HAO1: variants seen among roughly 807,000 people sequenced by gnomAD.
The protein encoded by HAO1 is hydroxyacid oxidase 1.
A neutral mutation model predicts 39.7 loss-of-function variants in HAO1; 34 were observed. The observed-to-expected ratio is 0.86, with a 90% CI of 0.65 to 1.14. The LOEUF (loss-of-function observed/expected upper bound fraction) is 1.14. Ranked by LOEUF, HAO1 falls within the 50% of genes most tolerant of loss-of-function variation. The pLI is 0.00. For missense variants in HAO1, 479 were observed against 464.5 expected (o/e 1.03, Z -0.29); for synonymous variants, 172 against 173.2 (o/e 0.99, Z 0.05).
intron 2 of HAO1, among the ~76,000 whole-genome samples, chr20:7,930,599 G>A (rs982696639): frequency 6.6e-5 from 10 of 152,118 alleles, no homozygotes; most frequent in African/African-American, 2.4e-4. Context: ...GAATGGGAAG[G>A]AAGCCAATAA....
At position 7,890,075 on chromosome 20, in the gene HAO1, C is replaced by T. The variant is rs2235250; in HGVS notation, c.814-4211G>A. Among the ~76,000 whole-genome samples the T allele has an allele frequency of 0.078, 11,866 of 152,170 alleles. 1,037 individuals carry two copies. Among genetic ancestry groups the T allele is most frequent in the East Asian group, 0.41 (2,096 of 5,164 alleles). ...CACACTGAGGGAACTTTGTACTTTG[C>T]GGTACACCAAATGCTTTCTCACATT... On this transcript the variant is annotated intron_variant, in intron 5 of 7. Coordinates refer to ENST00000378789, the MANE Select transcript of HAO1 (RefSeq NM_017545.3).
chr20:7,936,409 G>C (rs2050410310), intron 1 of HAO1, among the ~76,000 whole-genome samples: 1 of 151,944 alleles, frequency 6.6e-6, no homozygotes, highest in African/African-American at 2.4e-5. Flanking sequence ...GCAGCCATTG[G>C]CATGCCAGCC....
chr20:7,905,338 T>G (rs1235534719), intron 4 of HAO1, among the ~76,000 whole-genome samples: 1 of 152,210 alleles, frequency 6.6e-6, no homozygotes, highest in East Asian at 1.9e-4. Flanking sequence ...ACCACATGAC[T>G]CAGACATGTT....
intron 5 of HAO1, among the ~76,000 whole-genome samples, 183 bp downstream of exon 5, chr20:7,894,950 A>G (rs905830623): frequency 5.3e-5 from 8 of 152,208 alleles, no homozygotes; most frequent in African/African-American, 1.4e-4. Context: ...AAACATAAAT[A>G]AATTTTTAAC....
chr20:7,907,344 AG>A (rs1241230851), intron 3 of HAO1, among the ~76,000 whole-genome samples: 1 of 152,144 alleles, frequency 6.6e-6, no homozygotes. Context: ...GGGATGTTGA[AG>A]TGTAAATACC....
In HAO1 at chr20:7,934,131, T is replaced by C. The variant is rs901648385; in HGVS notation, c.289+353A>G. Among the ~76,000 whole-genome samples the C allele has an allele frequency of 3.3e-5, 5 of 151,546 alleles. No individual in the cohort carries two copies. The South Asian group carries it at 8.3e-4, about 25-fold the overall frequency. ...GTCAGAGATCCATTTCCTGAGACAG[T>C]ACTATTAATACCCATAATATAACCA... On this transcript the variant is annotated intron_variant, in intron 2 of 7. Coordinates refer to ENST00000378789, the MANE Select transcript of HAO1 (RefSeq NM_017545.3).
intron 4 of HAO1, among the ~76,000 whole-genome samples, chr20:7,903,494 A>G (rs1337943455): frequency 1.3e-5 from 2 of 149,766 alleles, no homozygotes; most frequent in South Asian, 4.3e-4. Flanking sequence ...TGGTGGTGAT[A>G]GGAGTGGTGG....
At chr20:7,924,948 C>T (rs1159416682) in intron 2 of HAO1, among the ~76,000 whole-genome samples, 1 of 152,044 alleles carries the variant, frequency 6.6e-6, no homozygotes. Flanking sequence ...GACCAAGTAC[C>T]AAGCAGTTGT....
Position 7,898,720 on chromosome 20 carries a change from G to T in HAO1, c.722-3496C>A, listed in dbSNP as rs562670687. 1.4e-4 allele frequency among the ~76,000 whole-genome samples: 22 copies of T among 152,190 alleles called. 1 individual carries two copies. The South Asian group carries it at 4.6e-3, about 32-fold the overall frequency. The stretch of plus-strand genomic sequence containing the variant: ...AGTGTGACTAAGAAACTGGAATTTT[G>T]CCTCTATTTCATTTTAATTAACTTA... On this transcript the variant is annotated intron_variant, in intron 4 of 7. Coordinates refer to ENST00000378789, the MANE Select transcript of HAO1 (RefSeq NM_017545.3).
In HAO1 at chr20:7,918,524, G is replaced by A. The variant is rs573109950; in HGVS notation, c.290-4105C>T. On this transcript the variant is annotated intron_variant, in intron 2 of 7. Coordinates refer to ENST00000378789, the MANE Select transcript of HAO1 (RefSeq NM_017545.3). ...AGCCCCCGAGTCTCTTCAATATGTCGTTGTGCTTCAATATGTCATCACTTC... is the reference window on the plus strand; with the variant it reads ...AGCCCCCGAGTCTCTTCAATATGTCATTGTGCTTCAATATGTCATCACTTC... Among the ~76,000 whole-genome samples, 13 of 152,190 alleles carry A rather than the reference G, an allele frequency of 8.5e-5. No homozygotes were observed. The South Asian group carries it at 2.1e-3, about 24-fold the overall frequency.
At chr20:7,890,608 T>C (rs2050169966) in intron 5 of HAO1, among the ~76,000 whole-genome samples, 1 of 152,158 alleles carries the variant, frequency 6.6e-6, no homozygotes, top group Non-Finnish European at 1.5e-5. Flanking sequence ...TATGAGTAAG[T>C]TCTTAAGTAG....
intron 2 of HAO1, among the ~76,000 whole-genome samples, chr20:7,932,155 A>G (rs1467692065): frequency 6.6e-6 from 1 of 152,146 alleles, no homozygotes; most frequent in African/African-American, 2.4e-5. Context: ...TCCTGCCACC[A>G]TGGGAAGAAG....
intron 1 of HAO1, among the ~76,000 whole-genome samples, chr20:7,935,186 G>T (rs567572197): frequency 6.6e-6 from 1 of 152,282 alleles, no homozygotes; most frequent in African/African-American, 2.4e-5. Context: ...CGTGTCAATA[G>T]TTTGTTCCTT....
intron 3 of HAO1, among the ~76,000 whole-genome samples, chr20:7,909,899 C>T (rs998629624): frequency 5.9e-5 from 9 of 152,090 alleles, no homozygotes; most frequent in Non-Finnish European, 1.0e-4. Flanking sequence ...GGGCCACCAG[C>T]CTTTAATTCT....
chr20:7,904,657 G>T (rs1469589733), intron 4 of HAO1, among the ~76,000 whole-genome samples: 1 of 152,078 alleles, frequency 6.6e-6, no homozygotes, highest in East Asian at 1.9e-4. Context: ...CAAAATGCTT[G>T]TTTATATAAC....
intron 2 of HAO1, among the ~76,000 whole-genome samples, chr20:7,922,897 C>A (rs1425638425): frequency 1.3e-5 from 2 of 152,026 alleles, no homozygotes; most frequent in Admixed American, 6.6e-5. Flanking sequence ...CCATTCCCCC[C>A]ACTCCATCTC....
At chr20:7,889,519 GAT>G (rs1461407280) in intron 5 of HAO1, among the ~76,000 whole-genome samples, 1 of 152,158 alleles carries the variant, frequency 6.6e-6, no homozygotes. Flanking sequence ...ACCATGAGGT[GAT>G]AAGCGTATTT....
chr20:7,906,668 A>G (rs887951398), intron 3 of HAO1, among the ~76,000 whole-genome samples: 7 of 152,244 alleles, frequency 4.6e-5, no homozygotes, highest in African/African-American at 9.6e-5. Context: ...CACGATTTTC[A>G]GCCAGCAATG....
At chr20:7,884,442 C>T (rs572889937) in intron 7 of HAO1, among the ~76,000 whole-genome samples, 8 of 152,220 alleles carry the variant, frequency 5.3e-5, no homozygotes, top group Admixed American at 4.6e-4. Flanking sequence ...GAAAAGAAAA[C>T]TGGAGTCGAA....
Sources: allele counts gnomAD v4.1 joint callset (sites outside exome capture counted in the v4.1 genomes callset), GRCh38; gene constraint gnomAD v4.1.1; transcripts MANE v1.5; gene names NCBI Gene and HGNC (gene_info 2026-07-23, HGNC 2026-07-21).